Variants in NEO1 observed in about 807,000 individuals in gnomAD.
NEO1 encodes neogenin 1, also known as neogenin.
Under a neutral mutation model 159.7 loss-of-function variants are expected in NEO1, and 63 were observed. The ratio of observed to expected loss-of-function variants is 0.39; its 90% CI spans 0.32 to 0.49. The LOEUF is 0.49. NEO1 is among the 20% of genes least tolerant of loss of function. NEO1 has a pLI of 0.85. For missense variants in NEO1, 1,615 were observed against 1,831.0 expected (o/e 0.88, Z 2.15); for synonymous variants, 633 against 662.0 (o/e 0.96, Z 0.67).
In NEO1 at chr15:73,204,364, G is replaced by A. The variant is rs555090772; in HGVS notation, c.1291+25937G>A. Among the ~76,000 whole-genome samples the A allele has an allele frequency of 2.1e-3, 319 of 152,090 alleles. 1 individual carries two copies. Among genetic ancestry groups the A allele is most frequent in the African/African-American group, 7.3e-3 (304 of 41,516 alleles). ...TTCTTGGATCTGTGGTTAGGTGTTT[G>A]TCATTAATTTTGGAAAATTCTCGCT... On this transcript the variant is annotated intron_variant, in intron 7 of 28. Transcript: ENST00000261908.
chr15:73,114,500 A>ACTTTCC (rs1177902781), intron 1 of NEO1, among the ~76,000 whole-genome samples: 2 of 152,210 alleles, frequency 1.3e-5, no homozygotes, highest in African/African-American at 4.8e-5. Flanking sequence ...TTTGAAAGGC[A>ACTTTCC]TTTGTAAGCT....
At chr15:73,257,168 T>C (rs1025142566) in intron 13 of NEO1, among the ~76,000 whole-genome samples, 1 of 138,272 alleles carries the variant, frequency 7.2e-6, no homozygotes, top group Non-Finnish European at 1.5e-5. Context: ...CATATTTTAC[T>C]CTACATTCAG....
chr15:73,170,746 C>T (rs1280367342), intron 5 of NEO1, among the ~76,000 whole-genome samples: 1 of 152,108 alleles, frequency 6.6e-6, no homozygotes, highest in Non-Finnish European at 1.5e-5. Flanking sequence ...ATTTATTCTG[C>T]CCCTTTTCGA....
At chr15:73,116,427 G>T in intron 1 of NEO1, 113 bp from the exon 2 acceptor site, 2 of 852,822 alleles carry the variant, frequency 2.3e-6, no homozygotes, top group Non-Finnish European at 3.4e-6. Context: ...ATATTTATGT[G>T]TCACATTCAA....
At chr15:73,286,003 G>T (rs112171911) in intron 23 of NEO1, among the ~76,000 whole-genome samples, 9 of 151,954 alleles carry the variant, frequency 5.9e-5, no homozygotes, top group Admixed American at 5.9e-4. Flanking sequence ...GTTATTGGCC[G>T]CCTCTTCAGT....
chr15:73,297,260 C>T (rs558126915), intron 26 of NEO1, among the ~76,000 whole-genome samples: 109 of 152,294 alleles, frequency 7.2e-4, no homozygotes, highest in African/African-American at 2.3e-3. Context: ...ATTCAGATTC[C>T]ACCCTGCTAG....
rs1361041107 is a variant in NEO1 at position 73,274,744 on chromosome 15, CTCTTT to C, written c.3193+26_3193+30del. On this transcript the variant is annotated intron_variant, in intron 21 of 28. Coordinates refer to ENST00000261908, the MANE Select transcript of NEO1 (RefSeq NM_002499.4). ...ATCAAGGTAAATGAGTAGATGGCCT[CTCTTT>C]TCTTTCCTTTCTTTTGTGACCTATT... 6.2e-7 allele frequency: 1 copy of C among 1,604,622 alleles called. No homozygotes were observed. Among genetic ancestry groups the C allele is most frequent in the Non-Finnish European group, 8.5e-7 (1 of 1,174,552 alleles).
chr15:73,288,178 C>T, intron 23 of NEO1, 135 bp from the exon 24 acceptor site: 1 of 696,066 alleles, frequency 1.4e-6, no homozygotes, highest in South Asian at 1.8e-5. Flanking sequence ...TTGTTGGGGG[C>T]AGGAGGTATG....
intron 15 of NEO1, among the ~76,000 whole-genome samples, chr15:73,263,850 T>C (rs2040758036): frequency 1.3e-5 from 2 of 152,296 alleles, no homozygotes; most frequent in Admixed American, 1.3e-4. Context: ...CGTGAACATC[T>C]TTTAAGACAA....
At chr15:73,249,817 C>T in intron 11 of NEO1, 96 bp downstream of exon 11, 2 of 1,363,124 alleles carry the variant, frequency 1.5e-6, no homozygotes, top group Non-Finnish European at 2.0e-6. Context: ...AGATTCAGTT[C>T]AAATCCCAAT....
rs2042238473 is a variant in NEO1, at chr15:73,293,504, C to G, written c.3857C>G (p.Pro1286Arg). ...SHLYHPGSPW[P>R]IGTSMSLSDR... ...CTCTACCACCCGGGCAGCCCATGGC[C>G]CATTGGCACATCCATGTCCCTTTCA... is the stretch of plus-strand genomic sequence containing the variant. The change falls in exon 26 of 29, where the codon CCC becomes CGC. Residue 1286 changes from proline to arginine, a missense_variant. Physicochemically the swap from Pro to Arg is moderately radical, Grantham distance 103. Coordinates refer to ENST00000261908, the MANE Select transcript of NEO1 (RefSeq NM_002499.4). 4 of 1,614,174 alleles carry G rather than the reference C, an allele frequency of 2.5e-6. No homozygotes were observed. Among genetic ancestry groups the G allele is most frequent in the Non-Finnish European group, 3.4e-6 (4 of 1,180,038 alleles).
intron 5 of NEO1, among the ~76,000 whole-genome samples, chr15:73,149,597 C>T (rs950783784): frequency 1.8e-4 from 25 of 139,576 alleles, no homozygotes; most frequent in African/African-American, 5.9e-4. Flanking sequence ...GATTCTTGTG[C>T]AGAAAGTAGA....
At chr15:73,103,998 G>A (rs1233812971) in intron 1 of NEO1, among the ~76,000 whole-genome samples, 1 of 152,068 alleles carries the variant, frequency 6.6e-6, no homozygotes, top group Admixed American at 6.6e-5. Flanking sequence ...GGGACTACAG[G>A]CACATGCCAC....
chr15:73,054,725 A>G (rs1016312857), intron 1 of NEO1, among the ~76,000 whole-genome samples: 1 of 152,092 alleles, frequency 6.6e-6, no homozygotes, highest in African/African-American at 2.4e-5. Context: ...CTTCCTGTAA[A>G]CCGCTCTGCT....
At chr15:73,149,287 C>T (rs1233022341) in intron 5 of NEO1, among the ~76,000 whole-genome samples, 1 of 151,314 alleles carries the variant, frequency 6.6e-6, no homozygotes, top group Admixed American at 6.6e-5. Flanking sequence ...TGCACTCCAG[C>T]CTGGCGACAG....
chr15:73,075,386 C>T (rs1376030833), intron 1 of NEO1, among the ~76,000 whole-genome samples: 1 of 152,006 alleles, frequency 6.6e-6, no homozygotes, highest in Non-Finnish European at 1.5e-5. Context: ...TCTAATGTAA[C>T]CTGAGACAAC....
intron 1 of NEO1, among the ~76,000 whole-genome samples, chr15:73,101,407 G>GCACGCGTGCGCACA (rs1464700190): frequency 6.6e-6 from 1 of 152,164 alleles, no homozygotes; most frequent in African/African-American, 2.4e-5. Flanking sequence ...GCTCTCACGC[G>GCACGCGTGCGCACA]CACGCGTGCG....
At chr15:73,078,077 G>A (rs145735420) in intron 1 of NEO1, among the ~76,000 whole-genome samples, 157 of 152,296 alleles carry the variant, frequency 1.0e-3, no homozygotes, top group Non-Finnish European at 1.9e-3. Flanking sequence ...GGGTGGTGAT[G>A]TGAAGTGGCA....
At chr15:73,215,490 A>G (rs1410495120) in intron 7 of NEO1, among the ~76,000 whole-genome samples, 3 of 152,174 alleles carry the variant, frequency 2.0e-5, no homozygotes, top group Non-Finnish European at 4.4e-5. Flanking sequence ...TTAATCATAA[A>G]GGGATACTGG....
Sources: gnomAD v4.1 joint callset for allele counts (sites outside exome capture counted in the v4.1 genomes callset) on GRCh38, gnomAD v4.1.1 for gene constraint, MANE v1.5 for transcripts, NCBI Gene and HGNC (gene_info 2026-07-23, HGNC 2026-07-21) for gene names.